Variants in ASH1L observed in about 807,000 individuals in gnomAD.
The protein encoded by ASH1L is histone-lysine N-methyltransferase ASH1L.
ASH1L carries 23 observed loss-of-function variants against 269.0 expected under a neutral mutation model. The ratio of observed to expected loss-of-function variants is 0.09; its 90% confidence interval spans 0.06 to 0.12. The LOEUF is 0.12. Among genes scored for constraint, ASH1L ranks in the 10% least tolerant of loss-of-function variants. The pLI, the probability that ASH1L is intolerant of heterozygous loss-of-function variation, is 1.00. For synonymous variants in ASH1L, 1,187 were observed against 1,253.5 expected, an observed-to-expected ratio of 0.95 and a Z score of 1.12; for missense variants, 2,912 against 3,567.8, an observed-to-expected ratio of 0.82 and a Z score of 4.68.
intron 2 of ASH1L, among the ~76,000 whole-genome samples, chr1:155,502,666 G>C (rs1667592078): frequency 6.6e-6 from 1 of 152,172 alleles, no homozygotes. Flanking sequence ...GAAACACAGA[G>C]GATAGAGTAA....
intron 3 of ASH1L, among the ~76,000 whole-genome samples, chr1:155,469,271 T>C (rs10908467): frequency 0.32 from 48,348 of 151,694 alleles, 8,221 homozygotes; most frequent in East Asian, 0.72. Flanking sequence ...CAACCTCCAC[T>C]TCCCAGGTTC....
chr1:155,440,443 T>C (rs951382395), intron 4 of ASH1L: 8 of 293,184 alleles, frequency 2.7e-5, no homozygotes, highest in Non-Finnish European at 3.6e-5. Flanking sequence ...TGCAACTCCA[T>C]TAAATTTAAC....
chr1:155,463,301 T>C (rs1664437121), intron 3 of ASH1L, among the ~76,000 whole-genome samples: 1 of 152,198 alleles, frequency 6.6e-6, no homozygotes, highest in Admixed American at 6.5e-5. Context: ...GTTTGACTCC[T>C]GGCTCTGCTA....
At chr1:155,527,960 C>A (rs2148860106) in intron 1 of ASH1L, among the ~76,000 whole-genome samples, 1 of 152,002 alleles carries the variant, frequency 6.6e-6, no homozygotes, top group Middle Eastern at 3.4e-3. Context: ...GGTACCCGGA[C>A]CTCTTCCTTT....
chr1:155,523,181 A>G (rs1231158419), intron 1 of ASH1L, among the ~76,000 whole-genome samples: 2 of 152,110 alleles, frequency 1.3e-5, no homozygotes, highest in African/African-American at 4.8e-5. Context: ...GTGCCCTGAG[A>G]CTTTTCATTA....
chr1:155,497,251 C>A (rs939547535), intron 2 of ASH1L, among the ~76,000 whole-genome samples: 2 of 152,148 alleles, frequency 1.3e-5, no homozygotes, highest in Admixed American at 1.3e-4. Flanking sequence ...ATTAGTTAGT[C>A]ACAACAGCCA....
chr1:155,470,772 G>A (rs539336252), intron 3 of ASH1L, among the ~76,000 whole-genome samples: 27 of 151,896 alleles, frequency 1.8e-4, no homozygotes, highest in African/African-American at 5.3e-4. Flanking sequence ...GGCTGATCTC[G>A]AACTCCTAAC....
At position 155,478,324 on chromosome 1, in the gene ASH1L, G is replaced by A. The variant is rs1002567758; in HGVS notation, c.4546C>T (p.Arg1516Cys). The change falls in exon 3 of 28, where the codon CGC becomes TGC. Residue 1516 changes from arginine to cysteine, a missense_variant. Transcript: ENST00000392403. The surrounding 1 kb of genome is among the most constrained non-coding windows in gnomAD (Gnocchi z 4.6). ...ACAGCATCCTTTCCAAATCTATAGC[G>A]CTTCAAAGATTCCAGGACAGATCGG... ...SSRSVLESLK[R>C]YRFGKDAVGE... 16 of 1,613,908 alleles carry A rather than the reference G, an allele frequency of 9.9e-6. No homozygotes were observed. Among genetic ancestry groups the A allele is most frequent in the East Asian group, 4.5e-5 (2 of 44,882 alleles).
At chr1:155,417,898 T>G (rs1393815510) in intron 5 of ASH1L, among the ~76,000 whole-genome samples, 2 of 150,242 alleles carry the variant, frequency 1.3e-5, no homozygotes, top group Non-Finnish European at 3.0e-5. Flanking sequence ...GCGGAGGTTG[T>G]GGTGAGCCCA....
chr1:155,532,983 AGT>A (rs58869936), intron 1 of ASH1L, among the ~76,000 whole-genome samples: 1 of 141,780 alleles, frequency 7.1e-6, no homozygotes, highest in African/African-American at 2.7e-5. Flanking sequence ...AGAGAGAGAG[AGT>A]GTGTGTGTGT....
chr1:155,428,479 C>A (rs1558093738), intron 5 of ASH1L, among the ~76,000 whole-genome samples: 1 of 151,786 alleles, frequency 6.6e-6, no homozygotes, highest in African/African-American at 2.4e-5. Context: ...TGGGAACAGG[C>A]CCCCCAAAAT....
intron 1 of ASH1L, among the ~76,000 whole-genome samples, chr1:155,541,341 T>C (rs1244656850): frequency 6.6e-6 from 1 of 152,008 alleles, no homozygotes; most frequent in Non-Finnish European, 1.5e-5. Flanking sequence ...AAATATTATA[T>C]AAATTTTTCA....
chr1:155,544,509 G>C lies in ASH1L; in HGVS notation c.-100+17644C>G, dbSNP rs1371447751. Reference sequence around the variant, plus strand: ...TCACCGTGTTAGCCAGGATGGTCTCGATCTCCTGCCCTCGTGATCTGCCCG... The same window carrying C: ...TCACCGTGTTAGCCAGGATGGTCTCCATCTCCTGCCCTCGTGATCTGCCCG... On this transcript the variant is annotated intron_variant, in intron 1 of 27. Transcript: ENST00000392403. 6.0e-5 allele frequency among the ~76,000 whole-genome samples: 9 copies of C among 150,820 alleles called. No individual in the cohort carries two copies. In the South Asian group the frequency reaches 1.9e-3, roughly 32 times the overall value.
intron 2 of ASH1L, among the ~76,000 whole-genome samples, chr1:155,512,020 C>T (rs1456811438): frequency 6.6e-6 from 1 of 151,952 alleles, no homozygotes; most frequent in African/African-American, 2.4e-5. Flanking sequence ...CCATGTTGGT[C>T]AGGCTGGTCT....
chr1:155,488,668 C>CAAAAAAAAA (rs371829476), intron 2 of ASH1L, among the ~76,000 whole-genome samples: 2 of 29,188 alleles, frequency 6.9e-5, no homozygotes, highest in African/African-American at 1.2e-4. Context: ...GACTCTGTCA[C>CAAAAAAAAA]AAAAAAAAAA....
intron 15 of ASH1L, among the ~76,000 whole-genome samples, chr1:155,355,356 C>T (rs572324549): frequency 9.9e-5 from 15 of 152,284 alleles, no homozygotes; most frequent in African/African-American, 3.6e-4. Context: ...GTGCCTGGCC[C>T]TGGTTCCCTA....
intron 1 of ASH1L, among the ~76,000 whole-genome samples, chr1:155,536,000 AG>A (rs1233201638): frequency 4.0e-5 from 6 of 151,544 alleles, no homozygotes; most frequent in African/African-American, 1.5e-4. Flanking sequence ...CTCCATCTCA[AG>A]AAAAAAAAAA....
chr1:155,451,375 T>C (rs1571248278), intron 4 of ASH1L, among the ~76,000 whole-genome samples: 1 of 151,598 alleles, frequency 6.6e-6, no homozygotes, highest in Non-Finnish European at 1.5e-5. Flanking sequence ...GGATACAGAG[T>C]TTCAGTTTTG....
intron 1 of ASH1L, among the ~76,000 whole-genome samples, chr1:155,556,357 AC>A (rs1208220172): frequency 6.6e-6 from 1 of 151,822 alleles, no homozygotes; most frequent in African/African-American, 2.4e-5. Context: ...ACACAGCCAG[AC>A]CCCAGCTGTA....
Sources: allele counts gnomAD v4.1 joint callset (sites outside exome capture counted in the v4.1 genomes callset), GRCh38; gene constraint gnomAD v4.1.1; non-coding constraint Gnocchi (gnomAD v3.1); transcripts MANE v1.5; gene names NCBI Gene and HGNC (gene_info 2026-07-23, HGNC 2026-07-21).